The following CUZD1 variants were observed in gnomAD, a reference collection of about 807,000 sequenced individuals.
CUZD1 encodes CUB and zona pellucida like domains 1, also known as CUB and zona pellucida-like domain-containing protein 1.
In CUZD1, 42 loss-of-function variants were observed where a neutral mutation model predicts 53.1. The observed-to-expected ratio is 0.79, with a 90% CI of 0.62 to 1.02. The LOEUF is 1.02. Among genes scored for constraint, CUZD1 ranks in the 50% least tolerant of loss-of-function variants. The pLI is 0.00. For missense variants in CUZD1, 670 were observed against 715.7 expected (o/e 0.94, Z 0.73); for synonymous variants, 238 against 257.2 (o/e 0.93, Z 0.71).
At position 122,833,701 on chromosome 10, in the gene CUZD1, T is replaced by C. The variant is rs372523401; in HGVS notation, c.1622A>G (p.Lys541Arg). ...TDSIIGPIRLKRDRSASGNSG... is the reference protein window; with the variant it reads ...TDSIIGPIRLRRDRSASGNSG... ...ATTGCCACTTGCACTTCGATCCCTT[T>C]TCAGACGAATGGGTCCTATGATGGA... The change falls in exon 8 of 9, where the codon AAA (lysine) becomes AGA (arginine). Residue 541 changes from lysine (K) to arginine (R), a missense_variant. Lys to Arg is a conservative substitution (Grantham distance 26). Coordinates refer to ENST00000392790, the MANE Select transcript of CUZD1 (RefSeq NM_022034.6). The C allele has an allele frequency of 8.7e-6, 14 of 1,613,726 alleles. No homozygotes were observed. The highest frequency in any genetic ancestry group is 1.3e-5 in the African/African-American group (1 of 74,930).
chr10:122,834,612 A>C (rs1847216722), intron 7 of CUZD1, 94 bp downstream of exon 7: 1 of 988,122 alleles, frequency 1.0e-6, no homozygotes, highest in South Asian at 3.0e-5. Context: ...TGCTAGGAAA[A>C]ATGTATATAT....
At chr10:122,841,996 T>A (rs1013563879) in intron 1 of CUZD1, among the ~76,000 whole-genome samples, 1 of 152,036 alleles carries the variant, frequency 6.6e-6, no homozygotes, top group Admixed American at 6.6e-5. Context: ...GTTTTGAGAG[T>A]TTTTTATATA....
chr10:122,835,022 G>A lies in CUZD1; in HGVS notation c.1066C>T (p.Gln356Ter). ...TTCACAATAATCTGGAGTTGTTTCT[G>A]ACGGGTGATCACTTCAGAAGTTGAG... ...ASSTSEVITR[Q>*]KQLQIIVKCE... Residue 356 changes from glutamine to a stop codon, truncating the protein, a stop_gained, in exon 7 of 9, where the codon CAG (glutamine) becomes TAG (stop). Coordinates refer to ENST00000392790, the MANE Select transcript of CUZD1 (RefSeq NM_022034.6). LOFTEE classifies it high-confidence loss of function. 2 of 1,613,246 alleles carry A rather than the reference G, an allele frequency of 1.2e-6. No individual in the cohort carries two copies. Among genetic ancestry groups the A allele is most frequent in the South Asian group, 1.1e-5 (1 of 90,944 alleles).
chr10:122,839,348 T>A (rs1847300950), intron 2 of CUZD1, 117 bp from the exon 3 acceptor site: 3 of 845,828 alleles, frequency 3.5e-6, no homozygotes, highest in Non-Finnish European at 5.6e-6. Context: ...TCTGTTTTCA[T>A]TTAAACCTCT....
At chr10:122,842,472 CTCTG>C (rs1006321375) in intron 1 of CUZD1, among the ~76,000 whole-genome samples, 5 of 152,160 alleles carry the variant, frequency 3.3e-5, no homozygotes, top group African/African-American at 1.2e-4. Context: ...TTTCAATTTT[CTCTG>C]TCTATCCTTT....
chr10:122,845,728 G>C lies in CUZD1; in HGVS notation c.82+34C>G, dbSNP rs376043020. 5 of 1,595,236 alleles carry C rather than the reference G, an allele frequency of 3.1e-6. No individual in the cohort carries two copies. In the African/African-American group the frequency reaches 5.4e-5, roughly 17 times the overall value. On this transcript the variant is annotated intron_variant, in intron 1 of 8. Transcript: ENST00000392790. ...GGCCTCTTAAGAGAAGAACTTCTCT[G>C]TTTTGGTGAATAAATCTGGTTCAAT...
chr10:122,834,994 C>T lies in CUZD1; in HGVS notation c.1094G>A (p.Cys365Tyr). 1 of 1,613,762 alleles carries T rather than the reference C, an allele frequency of 6.2e-7. No homozygotes were observed. Among genetic ancestry groups the T allele is most frequent in the Non-Finnish European group, 8.5e-7 (1 of 1,179,776 alleles). The change falls in exon 7 of 9, where the codon TGT becomes TAT. Residue 365 changes from cysteine (C) to tyrosine (Y), a missense_variant. Transcript: ENST00000392790. The stretch of plus-strand genomic sequence containing the variant: ...CACTGTAGAATTATGTCCCATTTCA[C>T]ACTTCACAATAATCTGGAGTTGTTT... ...RQKQLQIIVK[C>Y]EMGHNSTVEI...
chr10:122,842,101 A>G (rs975549121), intron 1 of CUZD1, among the ~76,000 whole-genome samples: 3 of 152,160 alleles, frequency 2.0e-5, no homozygotes, highest in Non-Finnish European at 4.4e-5. Flanking sequence ...TGTCTTTCCC[A>G]AAACAAAAGT....
chr10:122,834,837 A>G lies in CUZD1; in HGVS notation c.1251T>C (p.Asp417=). The change falls in exon 7 of 9, where the codon GAT becomes GAC. Residue 417 remains aspartate, a synonymous_variant. Transcript: ENST00000392790. The part of the protein sequence containing the change: ...KTILESPYYV[D]LNQTLFVQVS... Reference sequence around the variant, plus strand: ...CTTGAACAAAAAGAGTTTGGTTCAAATCCACATAATATGGTGATTCAAGTA... The same window carrying G: ...CTTGAACAAAAAGAGTTTGGTTCAAGTCCACATAATATGGTGATTCAAGTA... The G allele has an allele frequency of 3.1e-6, 5 of 1,613,892 alleles. No homozygotes were observed. The highest frequency in any genetic ancestry group is 4.2e-6 in the Non-Finnish European group (5 of 1,179,858).
chr10:122,835,221 G>T, intron 6 of CUZD1, 124 bp from the exon 7 acceptor site: 1 of 627,068 alleles, frequency 1.6e-6, no homozygotes, highest in Non-Finnish European at 2.6e-6. Context: ...CAGCTTTCAT[G>T]TCAGAATACT....
chr10:122,841,541 A>G (rs1847346294), intron 1 of CUZD1, among the ~76,000 whole-genome samples: 1 of 152,206 alleles, frequency 6.6e-6, no homozygotes, highest in African/African-American at 2.4e-5. Context: ...ACATATAGAG[A>G]CTATATTAGG....
At chr10:122,838,320 G>C (rs1847284541) in intron 3 of CUZD1, among the ~76,000 whole-genome samples, 1 of 152,208 alleles carries the variant, frequency 6.6e-6, no homozygotes, top group South Asian at 2.1e-4. Flanking sequence ...TAGCAGGAGA[G>C]TGACATGGTC....
At chr10:122,836,094 G>A (rs989709035) in intron 6 of CUZD1, 84 bp downstream of exon 6, 3 of 1,297,966 alleles carry the variant, frequency 2.3e-6, no homozygotes, top group Non-Finnish European at 3.1e-6. Flanking sequence ...GTTTGTTACA[G>A]CAGCTAGCAA....
chr10:122,841,265 A>G lies in CUZD1; in HGVS notation c.146T>C (p.Ile49Thr). 1 of 1,614,066 alleles carries G rather than the reference A, an allele frequency of 6.2e-7. No homozygotes were observed. Among genetic ancestry groups the G allele is most frequent in the Non-Finnish European group, 8.5e-7 (1 of 1,179,938 alleles). Residue 49 changes from isoleucine (I) to threonine (T), a missense_variant, in exon 2 of 9, where the codon ATC becomes ACC. By Grantham distance (89) the Ile-to-Thr change is moderately conservative (BLOSUM62 -1). Transcript: ENST00000392790. ...ANMAETHKAM[I>T]LQLNPSENCT... ...GTTCTCACTGGGATTGAGTTGCAGGATCATGGCTTTGTGGGTCTCTGCCAT... is the reference window on the plus strand; with the variant it reads ...GTTCTCACTGGGATTGAGTTGCAGGGTCATGGCTTTGTGGGTCTCTGCCAT...
chr10:122,834,026 T>A, intron 7 of CUZD1, 86 bp from the exon 8 acceptor site: 2 of 1,201,490 alleles, frequency 1.7e-6, no homozygotes, highest in Non-Finnish European at 2.4e-6. Flanking sequence ...AACTAAGTTG[T>A]GAATCCAAAA....
chr10:122,845,490 A>G (rs1168424661), intron 1 of CUZD1, among the ~76,000 whole-genome samples: 1 of 152,200 alleles, frequency 6.6e-6, no homozygotes, highest in African/African-American at 2.4e-5. Context: ...TTATACATAT[A>G]TCTTTGGACA....
At chr10:122,843,810 C>CAT (rs61634361) in intron 1 of CUZD1, among the ~76,000 whole-genome samples, 30,916 of 137,030 alleles carry the variant, frequency 0.23, 3,424 homozygotes, top group African/African-American at 0.28. Flanking sequence ...TATATACATA[C>CAT]ATATATATAT....
intron 7 of CUZD1, 26 bp downstream of exon 7, chr10:122,834,680 C>T: frequency 6.6e-7 from 1 of 1,524,070 alleles, no homozygotes; most frequent in Non-Finnish European, 8.8e-7. Context: ...GAATATCATA[C>T]ATACATCAGT....
chr10:122,845,701 G>A, intron 1 of CUZD1, 61 bp downstream of exon 1: 1 of 1,453,934 alleles, frequency 6.9e-7, no homozygotes, highest in South Asian at 1.2e-5. Context: ...AATTTTGAAA[G>A]AGGCCTCTTA....
Sources: allele counts gnomAD v4.1 joint callset (sites outside exome capture counted in the v4.1 genomes callset), GRCh38; gene constraint gnomAD v4.1.1; transcripts MANE v1.5; gene names NCBI Gene and HGNC (gene_info 2026-07-23, HGNC 2026-07-21).